The following ADAMTSL3 variants were observed in gnomAD, a reference collection of about 807,000 sequenced individuals.
ADAMTSL3 encodes ADAMTS-like protein 3.
In ADAMTSL3, 128 loss-of-function variants were observed where a neutral mutation model predicts 201.7. The observed-to-expected ratio is 0.63, with a 90% confidence interval of 0.55 to 0.73. The LOEUF is 0.73. Ranked by LOEUF, ADAMTSL3 falls within the 30% of genes least tolerant of loss-of-function variation. The pLI, the probability that ADAMTSL3 is intolerant of heterozygous loss-of-function variation, is 0.00. For missense variants in ADAMTSL3, 1,990 were observed against 2,119.6 expected, an observed-to-expected ratio of 0.94 and a Z score of 1.20; for synonymous variants, 738 against 748.4, an observed-to-expected ratio of 0.99 and a Z score of 0.23.
chr15:83,774,273 T>C (rs1276060307), intron 4 of ADAMTSL3, among the ~76,000 whole-genome samples: 3 of 152,230 alleles, frequency 2.0e-5, no homozygotes, highest in Admixed American at 6.5e-5. Flanking sequence ...GCTAGTCTTG[T>C]ACAAAAGAAG....
intron 3 of ADAMTSL3, among the ~76,000 whole-genome samples, chr15:83,714,797 C>CTCTT (rs894136651): frequency 2.0e-5 from 1 of 50,248 alleles, no homozygotes. Context: ...TTCTTTCTCT[C>CTCTT]TCTTTCTTTC....
At chr15:83,818,431 A>G (rs2063802112) in intron 5 of ADAMTSL3, among the ~76,000 whole-genome samples, 1 of 152,132 alleles carries the variant, frequency 6.6e-6, no homozygotes, top group African/African-American at 2.4e-5. Context: ...GGTTCAAGCA[A>G]TTCTCCTGCC....
intron 27 of ADAMTSL3, among the ~76,000 whole-genome samples, chr15:84,025,784 A>G (rs1330615133): frequency 6.6e-6 from 1 of 152,196 alleles, no homozygotes; most frequent in African/African-American, 2.4e-5. Flanking sequence ...CTTCATCCCA[A>G]ATGCCACCTT....
At chr15:83,731,918 AGGG>A (rs1350089576) in intron 3 of ADAMTSL3, among the ~76,000 whole-genome samples, 1 of 152,004 alleles carries the variant, frequency 6.6e-6, no homozygotes, top group Non-Finnish European at 1.5e-5. Context: ...TATGGTTACC[AGGG>A]CCTGGAATGG....
At chr15:84,011,529 G>T (rs2068005994) in intron 23 of ADAMTSL3, among the ~76,000 whole-genome samples, 1 of 152,176 alleles carries the variant, frequency 6.6e-6, no homozygotes, top group African/African-American at 2.4e-5. Flanking sequence ...ATGTGGTGGG[G>T]AGGGACACAA....
rs534374912 is a variant in ADAMTSL3, at chr15:83,819,235, A to T, written c.364-576A>T. On this transcript the variant is annotated intron_variant, in intron 5 of 29. Coordinates refer to ENST00000286744, the MANE Select transcript of ADAMTSL3 (RefSeq NM_207517.3). Reference sequence around the variant, plus strand: ...GCAGTGAGCCGAGCCACTGCACTCCAGCCTGGCGACAGAGTGACACTCCGT... The same window carrying T: ...GCAGTGAGCCGAGCCACTGCACTCCTGCCTGGCGACAGAGTGACACTCCGT... 3.9e-4 allele frequency among the ~76,000 whole-genome samples: 58 copies of T among 148,088 alleles called. 2 individuals carry two copies. The highest frequency in any genetic ancestry group is 3.5e-3 in the Admixed American group (51 of 14,416).
intron 4 of ADAMTSL3, among the ~76,000 whole-genome samples, chr15:83,794,452 A>G (rs564365970): frequency 3.0e-4 from 46 of 152,380 alleles, no homozygotes; most frequent in African/African-American, 1.0e-3. Flanking sequence ...TGTTACATCC[A>G]TACCAGGGAG....
chr15:83,724,136 G>C (rs1293474298), intron 3 of ADAMTSL3, among the ~76,000 whole-genome samples: 1 of 151,036 alleles, frequency 6.6e-6, no homozygotes. Context: ...CAGAGTCTCT[G>C]TTGCCAGGCT....
At chr15:84,019,735 T>C (rs745809901) in intron 25 of ADAMTSL3, among the ~76,000 whole-genome samples, 3 of 150,270 alleles carry the variant, frequency 2.0e-5, no homozygotes, top group Non-Finnish European at 4.4e-5. Context: ...CTACTGAAAA[T>C]ACAAAAATGA....
intron 19 of ADAMTSL3, among the ~76,000 whole-genome samples, chr15:83,958,951 A>T (rs1341527917): frequency 1.3e-5 from 2 of 152,146 alleles, no homozygotes; most frequent in African/African-American, 4.8e-5. Context: ...AAAGAGAAAT[A>T]AAAAAAGATT....
Position 83,712,413 on chromosome 15 carries a change from A to G in ADAMTSL3, c.189+7905A>G, listed in dbSNP as rs974018486. On this transcript the variant is annotated intron_variant, in intron 3 of 29. Coordinates refer to ENST00000286744, the MANE Select transcript of ADAMTSL3 (RefSeq NM_207517.3). ...CACCAGTGGAGGCTGCTCATACCTC[A>G]CAACCCAAGTGCTACACGGCTAAGG... 2.6e-5 allele frequency among the ~76,000 whole-genome samples: 4 copies of G among 152,204 alleles called. No individual in the cohort carries two copies. The South Asian group carries it at 8.3e-4, about 32-fold the overall frequency.
At chr15:83,872,684 A>G (rs2065105783) in intron 9 of ADAMTSL3, among the ~76,000 whole-genome samples, 1 of 111,330 alleles carries the variant, frequency 9.0e-6, no homozygotes. Context: ...TCTCAAGTCA[A>G]CTTGGAGGTC....
At chr15:83,747,940 G>A (rs1267329984) in intron 3 of ADAMTSL3, among the ~76,000 whole-genome samples, 1 of 151,456 alleles carries the variant, frequency 6.6e-6, no homozygotes, top group East Asian at 1.9e-4. Context: ...GCACCAGAAT[G>A]GCAGCTCTCA....
intron 15 of ADAMTSL3, among the ~76,000 whole-genome samples, chr15:83,909,315 A>G (rs756291334): frequency 2.9e-4 from 44 of 152,196 alleles, no homozygotes; most frequent in Admixed American, 9.8e-4. Context: ...GTGAGGAGCC[A>G]TTATTCTGCC....
At chr15:84,015,064 G>T (rs2068067350) in intron 24 of ADAMTSL3, among the ~76,000 whole-genome samples, 1 of 152,044 alleles carries the variant, frequency 6.6e-6, no homozygotes, top group Admixed American at 6.6e-5. Context: ...TCCTGCCTCA[G>T]CCTTCTGAGT....
chr15:84,010,544 T>C (rs1022434266), intron 23 of ADAMTSL3, among the ~76,000 whole-genome samples: 3 of 152,166 alleles, frequency 2.0e-5, no homozygotes, highest in African/African-American at 7.2e-5. Context: ...CCTATACTCA[T>C]GATCTGCTGT....
chr15:83,734,442 A>G (rs1268551489), intron 3 of ADAMTSL3, among the ~76,000 whole-genome samples: 1 of 152,164 alleles, frequency 6.6e-6, no homozygotes, highest in African/African-American at 2.4e-5. Context: ...CTGTGTTGCT[A>G]TTGGCGTTAC....
rs950958361 is a variant in ADAMTSL3, at chr15:83,862,936, A to C, written c.802+4096A>C. The stretch of plus-strand genomic sequence containing the variant: ...AGGGATGGAGGAAGACCTACCAAGC[A>C]AATGGAGAACAAAAAAAGGCAGGGG... On this transcript the variant is annotated intron_variant, in intron 8 of 29. Coordinates refer to ENST00000286744, the MANE Select transcript of ADAMTSL3 (RefSeq NM_207517.3). The C allele has an allele frequency of 9.9e-5, 15 of 152,276 alleles. 1 individual carries two copies. Among genetic ancestry groups the C allele is most frequent in the Admixed American group, 5.9e-4 (9 of 15,290 alleles). 9.4% of individuals were successfully genotyped at this position (152,276 alleles called of 1,614,324 possible).
intron 23 of ADAMTSL3, among the ~76,000 whole-genome samples, chr15:83,992,432 T>G (rs2067598057): frequency 6.6e-6 from 1 of 152,106 alleles, no homozygotes; most frequent in African/African-American, 2.4e-5. Flanking sequence ...ATATGTGAGT[T>G]TTCTGGCAAA....
Sources: allele counts gnomAD v4.1 joint callset (sites outside exome capture counted in the v4.1 genomes callset), GRCh38; gene constraint gnomAD v4.1.1; transcripts MANE v1.5; gene names NCBI Gene and HGNC (gene_info 2026-07-23, HGNC 2026-07-21).